Variants in FBLN2 observed in about 807,000 individuals in gnomAD.
FBLN2 encodes the protein fibulin 2.
A neutral mutation model predicts 123.7 loss-of-function variants in FBLN2; 81 were observed. That is an observed-to-expected ratio of 0.65 (90% CI 0.55 to 0.79). The LOEUF is 0.79. Ranked by LOEUF, FBLN2 falls within the 30% of genes least tolerant of loss-of-function variation. FBLN2 has a pLI of 0.00. For synonymous variants in FBLN2, 699 were observed against 701.4 expected (o/e 1.00, Z 0.05); for missense variants, 1,603 against 1,681.3 (o/e 0.95, Z 0.81).
At chr3:13,585,572 T>G (rs2124847032) in intron 2 of FBLN2, among the ~76,000 whole-genome samples, 2 of 152,328 alleles carry the variant, frequency 1.3e-5, no homozygotes, top group Middle Eastern at 6.8e-3. Flanking sequence ...GCGTAGCCAT[T>G]ACTCGTGTTT....
At chr3:13,600,868 G>A (rs1001897905) in intron 2 of FBLN2, among the ~76,000 whole-genome samples, 3 of 152,184 alleles carry the variant, frequency 2.0e-5, no homozygotes, top group Admixed American at 6.5e-5. Context: ...CGCCCACCTC[G>A]GCCTCCCAAA....
intron 14 of FBLN2, 129 bp from the exon 15 acceptor site, chr3:13,630,570 T>C: frequency 1.5e-6 from 1 of 682,420 alleles, no homozygotes. Context: ...GCAGGAGAGC[T>C]GGCCCTCGCA....
Position 13,628,926 on chromosome 3 carries a change from T to C in FBLN2, c.2591T>C (p.Leu864Pro), listed in dbSNP as rs1706146393. 1.2e-6 allele frequency: 2 copies of C among 1,613,168 alleles called. No individual in the cohort carries two copies. Among genetic ancestry groups the C allele is most frequent in the Non-Finnish European group, 1.7e-6 (2 of 1,179,652 alleles). Residue 864 changes from leucine to proline, a missense_variant, in exon 12 of 18, where the codon CTG becomes CCG. Leu to Pro is a moderately conservative substitution (Grantham distance 98, BLOSUM62 -3). Transcript: ENST00000404922. ...GCAGACATCAACGAGTGCACGTCAC[T>C]GTCCGAGCCATGTCGGCCAGGCTTC... Reference protein sequence around the residue: ...NCVDINECTSLSEPCRPGFSC... With the variant: ...NCVDINECTSPSEPCRPGFSC...
chr3:13,624,672 C>T (rs1184302917), intron 9 of FBLN2, among the ~76,000 whole-genome samples: 1 of 152,216 alleles, frequency 6.6e-6, no homozygotes, highest in Non-Finnish European at 1.5e-5. Context: ...AGAAGTGGCT[C>T]TGATGGTCCA....
rs1487446771 is a variant in FBLN2 at position 13,575,473 on chromosome 3, C to T, written c.1306+3812C>T. Among the ~76,000 whole-genome samples, 7 of 152,282 alleles carry T rather than the reference C, an allele frequency of 4.6e-5. No homozygotes were observed. In the South Asian group the frequency reaches 6.2e-4, roughly 14 times the overall value. ...CCTAACTCTGGTCTCTGGGCCTTTGCGTTTGCTGGGTCCCCTGCCAGATCA... is the reference window on the plus strand; with the variant it reads ...CCTAACTCTGGTCTCTGGGCCTTTGTGTTTGCTGGGTCCCCTGCCAGATCA... On this transcript the variant is annotated intron_variant, in intron 2 of 17. Transcript: ENST00000404922.
intron 3 of FBLN2, among the ~76,000 whole-genome samples, chr3:13,608,396 G>A (rs2124879292): frequency 6.6e-6 from 1 of 152,350 alleles, no homozygotes; most frequent in South Asian, 2.1e-4. Flanking sequence ...CACATAAATT[G>A]GTAGCTGGCC....
chr3:13,594,187 A>G (rs916884843), intron 2 of FBLN2, among the ~76,000 whole-genome samples: 3 of 152,178 alleles, frequency 2.0e-5, no homozygotes, highest in African/African-American at 7.2e-5. Flanking sequence ...TGGGTAGGAT[A>G]CTGAGGGTGC....
chr3:13,609,916 C>T lies in FBLN2; in HGVS notation c.1548+274C>T, dbSNP rs186679674. On this transcript the variant is annotated intron_variant, in intron 4 of 17. Transcript: ENST00000404922. ...AGTGAGTAACACAGATGGCAATTCCCGCCCTCCCAGGGATTTCTTTCTGGC... is the reference window on the plus strand; with the variant it reads ...AGTGAGTAACACAGATGGCAATTCCTGCCCTCCCAGGGATTTCTTTCTGGC... Among the ~76,000 whole-genome samples the T allele has an allele frequency of 1.6e-3, 239 of 152,332 alleles. 2 individuals carry two copies. The highest frequency in any genetic ancestry group is 5.2e-3 in the African/African-American group (218 of 41,576).
chr3:13,619,576 C>T (rs1396430014), intron 7 of FBLN2, among the ~76,000 whole-genome samples, 154 bp from the exon 8 acceptor site: 4 of 152,188 alleles, frequency 2.6e-5, no homozygotes, highest in Non-Finnish European at 5.9e-5. Context: ...GTGAAAAGGA[C>T]CAGGAGTGGC....
At chr3:13,585,517 A>G (rs143951407) in intron 2 of FBLN2, among the ~76,000 whole-genome samples, 1 of 152,180 alleles carries the variant, frequency 6.6e-6, no homozygotes, top group Admixed American at 6.5e-5. Context: ...CCATACGATT[A>G]TGGTGAAGCT....
chr3:13,627,403 A>C (rs764732682), intron 10 of FBLN2, among the ~76,000 whole-genome samples: 24 of 152,210 alleles, frequency 1.6e-4, no homozygotes, highest in Middle Eastern at 6.8e-3. Flanking sequence ...GGATATCCCC[A>C]CTTCCGCCCC....
intron 16 of FBLN2, 70 bp from the exon 17 acceptor site, chr3:13,636,375 G>C: frequency 6.3e-7 from 1 of 1,577,256 alleles, no homozygotes; most frequent in Non-Finnish European, 8.6e-7. Context: ...GGCCTTTCAT[G>C]CAGGCTGGGG....
At chr3:13,572,762 C>T (rs1339886511) in intron 2 of FBLN2, among the ~76,000 whole-genome samples, 4 of 152,260 alleles carry the variant, frequency 2.6e-5, no homozygotes, top group African/African-American at 9.6e-5. Context: ...TAAGAGCCGT[C>T]CTCAAAGGGC....
rs1303752893 is a variant in FBLN2, at chr3:13,630,827, C to T, written c.3085+12C>T. The T allele has an allele frequency of 3.8e-6, 6 of 1,572,638 alleles. No individual in the cohort carries two copies. The highest frequency in any genetic ancestry group is 1.2e-5 in the South Asian group (1 of 86,458). On this transcript the variant is annotated intron_variant, in intron 15 of 17. Transcript: ENST00000404922. Reference sequence around the variant, plus strand: ...GCACACCTGCACAGGTACCTCTCCCCTGTCCAAGGGCCCCCTTCCAGAGAG... The same window carrying T: ...GCACACCTGCACAGGTACCTCTCCCTTGTCCAAGGGCCCCCTTCCAGAGAG...
chr3:13,581,692 G>A (rs1704337621), intron 2 of FBLN2, among the ~76,000 whole-genome samples: 1 of 152,100 alleles, frequency 6.6e-6, no homozygotes, highest in Non-Finnish European at 1.5e-5. Flanking sequence ...GAATGCAGGC[G>A]GTCAGTTCAG....
intron 2 of FBLN2, among the ~76,000 whole-genome samples, chr3:13,596,618 C>T (rs1246207488): frequency 2.0e-5 from 3 of 152,176 alleles, no homozygotes; most frequent in African/African-American, 7.2e-5. Flanking sequence ...GCATAAATTA[C>T]ATCCACCTCG....
chr3:13,605,481 T>G (rs553429643), intron 2 of FBLN2, among the ~76,000 whole-genome samples: 1 of 152,294 alleles, frequency 6.6e-6, no homozygotes, highest in African/African-American at 2.4e-5. Flanking sequence ...CTTAGTGCTG[T>G]GTTCCTCCAC....
rs115501569 is a variant in FBLN2 at position 13,635,190 on chromosome 3, A to G, written c.3215-1255A>G. ...GAGGACAAATTCCTAAATGGTGTCA[A>G]TATGGAGGATTGGAAAACAAAAACT... On this transcript the variant is annotated intron_variant, in intron 16 of 17. Transcript: ENST00000404922. 2.4e-3 allele frequency among the ~76,000 whole-genome samples: 361 copies of G among 152,250 alleles called. 2 individuals carry two copies. Among genetic ancestry groups the G allele is most frequent in the African/African-American group, 8.3e-3 (347 of 41,560 alleles).
chr3:13,620,879 C>T (rs746942103), intron 8 of FBLN2, among the ~76,000 whole-genome samples: 2 of 152,216 alleles, frequency 1.3e-5, no homozygotes, highest in Admixed American at 1.3e-4. Context: ...CCAGAGAGGA[C>T]AGTAGACTTG....
Sources: allele counts gnomAD v4.1 joint callset (sites outside exome capture counted in the v4.1 genomes callset), GRCh38; gene constraint gnomAD v4.1.1; transcripts MANE v1.5; gene names NCBI Gene and HGNC (gene_info 2026-07-23, HGNC 2026-07-21).